TMPRSS11D: variants seen among roughly 807,000 people sequenced by gnomAD.
The protein encoded by TMPRSS11D is transmembrane serine protease 11D.
TMPRSS11D carries 32 observed loss-of-function variants against 44.4 expected under a neutral mutation model. That is an observed-to-expected ratio of 0.72 (90% CI 0.54 to 0.97). The LOEUF is 0.97. Ranked by LOEUF, TMPRSS11D falls within the 50% of genes least tolerant of loss-of-function variation. TMPRSS11D has a pLI of 0.00. For synonymous variants in TMPRSS11D, 179 were observed against 177.9 expected (o/e 1.01, Z -0.05); for missense variants, 446 against 502.6 (o/e 0.89, Z 1.08).
At chr4:67,859,536 T>C in intron 2 of TMPRSS11D, 21 bp downstream of exon 2, 1 of 1,610,344 alleles carries the variant, frequency 6.2e-7, no homozygotes, top group Middle Eastern at 1.7e-4. Context: ...ATCTGAAGAG[T>C]AATAATGTTC....
intron 9 of TMPRSS11D, among the ~76,000 whole-genome samples, chr4:67,823,653 T>C (rs979378375): frequency 6.6e-6 from 1 of 152,148 alleles, no homozygotes; most frequent in Non-Finnish European, 1.5e-5. Flanking sequence ...AGTAGCTAGC[T>C]CATCCATACC....
At chr4:67,871,900 T>C (rs957027135) in intron 1 of TMPRSS11D, among the ~76,000 whole-genome samples, 43 of 152,198 alleles carry the variant, frequency 2.8e-4, no homozygotes, top group Non-Finnish European at 4.4e-5. Flanking sequence ...TCTCTAGGAA[T>C]CACCAGATTT....
chr4:67,839,434 T>C (rs1718178450), intron 4 of TMPRSS11D, among the ~76,000 whole-genome samples: 1 of 151,956 alleles, frequency 6.6e-6, no homozygotes, highest in African/African-American at 2.4e-5. Context: ...CAAGACTGGG[T>C]TCATAGAAAA....
intron 1 of TMPRSS11D, among the ~76,000 whole-genome samples, chr4:67,866,041 A>G (rs1718917107): frequency 6.6e-6 from 1 of 151,896 alleles, no homozygotes; most frequent in Non-Finnish European, 1.5e-5. Flanking sequence ...GGGCACACAC[A>G]CAAGAAGGGA....
chr4:67,821,593 A>T lies in TMPRSS11D; in HGVS notation c.*744T>A, dbSNP rs1031262794. ...TAGGTATATTTCTTAGCTTCTCTAT[A>T]AAATAGATATAGTCTCTCCTTTATG... On this transcript the variant is annotated 3_prime_UTR_variant, in exon 10 of 10. Coordinates refer to ENST00000283916, the MANE Select transcript of TMPRSS11D (RefSeq NM_004262.3). The T allele has an allele frequency of 1.7e-4, 26 of 152,258 alleles. No individual in the cohort carries two copies. Among genetic ancestry groups the T allele is most frequent in the African/African-American group, 6.3e-4 (26 of 41,556 alleles). The allele number at this position is 152,258 out of a possible 1,614,324, so 9.4% of individuals were successfully genotyped here. A position where few individuals can be genotyped will look rare whatever the true frequency, so the allele number is the denominator to read the frequency against.
intron 3 of TMPRSS11D, among the ~76,000 whole-genome samples, chr4:67,848,292 G>C (rs889842878): frequency 6.6e-6 from 1 of 152,192 alleles, no homozygotes; most frequent in Non-Finnish European, 1.5e-5. Context: ...AGAAAACCAT[G>C]TAAGTAGAAT....
intron 3 of TMPRSS11D, among the ~76,000 whole-genome samples, chr4:67,844,643 G>A (rs1452994346): frequency 6.6e-6 from 1 of 152,008 alleles, no homozygotes; most frequent in Non-Finnish European, 1.5e-5. Flanking sequence ...GCCAGGTGTG[G>A]TGGCAGGCAC....
intron 6 of TMPRSS11D, 52 bp downstream of exon 6, chr4:67,835,031 T>C: frequency 6.5e-7 from 1 of 1,529,454 alleles, no homozygotes; most frequent in South Asian, 1.1e-5. Context: ...ACTTGCACTT[T>C]TACTCTTTAT....
chr4:67,868,816 T>G (rs1214653732), intron 1 of TMPRSS11D, among the ~76,000 whole-genome samples: 1 of 152,056 alleles, frequency 6.6e-6, no homozygotes, highest in Non-Finnish European at 1.5e-5. Context: ...GAGGCGGGAG[T>G]TATGAGGCAG....
At chr4:67,824,893 G>A (rs1245392386) in intron 9 of TMPRSS11D, among the ~76,000 whole-genome samples, 2 of 152,100 alleles carry the variant, frequency 1.3e-5, no homozygotes, top group Admixed American at 6.6e-5. Flanking sequence ...ACTGTGTGGA[G>A]TTGGATTTCA....
intron 9 of TMPRSS11D, among the ~76,000 whole-genome samples, chr4:67,822,800 AC>A (rs1717682258): frequency 6.6e-6 from 1 of 151,960 alleles, no homozygotes. Flanking sequence ...TCTCTGATCA[AC>A]CTTTTTCCTT....
intron 1 of TMPRSS11D, among the ~76,000 whole-genome samples, chr4:67,866,873 G>A (rs894147877): frequency 2.0e-5 from 3 of 151,814 alleles, no homozygotes; most frequent in African/African-American, 7.3e-5. Flanking sequence ...CTCATGCATC[G>A]GAAGAATCAA....
rs1398917533 is a variant in TMPRSS11D, at chr4:67,882,070, G to A, written c.8+1856C>T. Among the ~76,000 whole-genome samples, 9 of 152,132 alleles carry A rather than the reference G, an allele frequency of 5.9e-5. No homozygotes were observed. In the East Asian group the frequency reaches 1.4e-3, roughly 23 times the overall value. On this transcript the variant is annotated intron_variant, in intron 1 of 9. Transcript: ENST00000283916. ...AGCTGTTCAGGTTCCTGGGCCCTAC[G>A]GTAGGATTTCCTTCTTCAGACAAGG... is the stretch of plus-strand genomic sequence containing the variant.
chr4:67,833,414 A>C (rs763076296), intron 6 of TMPRSS11D, 33 bp from the exon 7 acceptor site: 4 of 1,394,946 alleles, frequency 2.9e-6, no homozygotes, highest in Non-Finnish European at 3.8e-6. Flanking sequence ...TGCTGGGAAG[A>C]TCATGATTCC....
At chr4:67,866,642 G>A (rs990380634) in intron 1 of TMPRSS11D, among the ~76,000 whole-genome samples, 2 of 151,592 alleles carry the variant, frequency 1.3e-5, no homozygotes, top group African/African-American at 4.8e-5. Context: ...GGAATGTCTC[G>A]GGATACAAAA....
intron 1 of TMPRSS11D, among the ~76,000 whole-genome samples, chr4:67,874,158 A>T (rs185699712): frequency 9.5e-4 from 144 of 152,286 alleles, no homozygotes; most frequent in African/African-American, 3.4e-3. Context: ...AAGGAGTAAT[A>T]TGCTGCATAG....
At chr4:67,825,315 GT>G (rs1229942906) in intron 9 of TMPRSS11D, among the ~76,000 whole-genome samples, 2 of 151,966 alleles carry the variant, frequency 1.3e-5, no homozygotes, top group Non-Finnish European at 2.9e-5. Context: ...AGTGACCATG[GT>G]CTACATTAAT....
At chr4:67,883,033 A>G (rs1402588232) in intron 1 of TMPRSS11D, among the ~76,000 whole-genome samples, 1 of 151,700 alleles carries the variant, frequency 6.6e-6, no homozygotes, top group East Asian at 1.9e-4. Flanking sequence ...ATATATATTC[A>G]AGTGCATATA....
intron 1 of TMPRSS11D, among the ~76,000 whole-genome samples, chr4:67,878,661 C>T (rs2109706240): frequency 2.0e-5 from 3 of 152,290 alleles, no homozygotes; most frequent in East Asian, 1.9e-4. Flanking sequence ...CACAGTGGCT[C>T]ACACCTGTAA....
Sources: allele counts gnomAD v4.1 joint callset (sites outside exome capture counted in the v4.1 genomes callset), GRCh38; gene constraint gnomAD v4.1.1; transcripts MANE v1.5; gene names NCBI Gene and HGNC (gene_info 2026-07-23, HGNC 2026-07-21).